Variants in NUMA1 observed in about 807,000 individuals in gnomAD.
NUMA1 encodes the protein SP-H antigen.
NUMA1 carries 62 observed loss-of-function variants against 237.1 expected under a neutral mutation model. The observed-to-expected ratio is 0.26, with a 90% CI of 0.21 to 0.32. NUMA1 has a LOEUF of 0.32. NUMA1 is among the 10% of genes least tolerant of loss of function. The probability of loss-of-function intolerance (pLI) is 1.00; values close to 1 mark genes in which losing one functional copy is unlikely to be tolerated. For synonymous variants in NUMA1, 1,028 were observed against 1,066.1 expected, an observed-to-expected ratio of 0.96 and a Z score of 0.70; for missense variants, 2,533 against 2,666.5, an observed-to-expected ratio of 0.95 and a Z score of 1.10.
chr11:72,051,085 C>T (rs551121014), intron 2 of NUMA1, among the ~76,000 whole-genome samples: 3 of 152,122 alleles, frequency 2.0e-5, no homozygotes, highest in South Asian at 2.1e-4. Flanking sequence ...GATGAAGTCT[C>T]GCTATGTTGC....
intron 17 of NUMA1, among the ~76,000 whole-genome samples, chr11:72,009,994 T>A (rs1338042968): frequency 2.0e-5 from 3 of 152,240 alleles, no homozygotes; most frequent in Non-Finnish European, 4.4e-5. Context: ...CCTGATTCTC[T>A]GTCCATCTGC....
intron 5 of NUMA1, 113 bp from the exon 6 acceptor site, chr11:72,023,260 T>C (rs1172966796): frequency 5.2e-6 from 4 of 770,052 alleles, no homozygotes; most frequent in Non-Finnish European, 9.0e-6. Context: ...GGCTATGAGA[T>C]GTAGGCCTCC....
chr11:72,038,016 G>A (rs905449157), intron 2 of NUMA1, among the ~76,000 whole-genome samples: 1 of 152,002 alleles, frequency 6.6e-6, no homozygotes, highest in Non-Finnish European at 1.5e-5. Context: ...GTGGTGGGGC[G>A]GCAACAGCCA....
chr11:72,046,062 G>C (rs971682941), intron 2 of NUMA1, among the ~76,000 whole-genome samples: 3 of 152,194 alleles, frequency 2.0e-5, no homozygotes, highest in Admixed American at 2.0e-4. Flanking sequence ...TTCTGGGCCA[G>C]CTCTTCAGGA....
rs748357225 is a variant in NUMA1 at position 72,014,631 on chromosome 11, G to A, written c.2872C>T (p.Arg958Cys). The A allele has an allele frequency of 8.1e-6, 13 of 1,610,440 alleles. No individual in the cohort carries two copies. Among genetic ancestry groups the A allele is most frequent in the South Asian group, 4.4e-5 (4 of 91,086 alleles). Residue 958 changes from arginine (R) to cysteine (C), a missense_variant, in exon 15 of 27, where the codon CGC becomes TGC. Physicochemically the swap from Arg to Cys is radical, Grantham distance 180. This residue lies in a region of NUMA1 where 1,414 missense variants were observed against 1,508.1 expected (regional missense o/e 0.94). Coordinates refer to ENST00000393695, the MANE Select transcript of NUMA1 (RefSeq NM_006185.4). The surrounding 1 kb of genome is among the most constrained non-coding windows in gnomAD (Gnocchi z 4.6). ...QPEWLEEQQG[R>C]QFCSTQAALQ... The stretch of plus-strand genomic sequence containing the variant: ...GCTGCCTGTGTGCTGCAGAACTGGC[G>A]TCCCTGTTGCTCTTCCAGCCACTCG...
chr11:72,018,559 C>T (rs1173192753), intron 10 of NUMA1, 46 bp from the exon 11 acceptor site: 1 of 1,519,334 alleles, frequency 6.6e-7, no homozygotes, highest in South Asian at 1.1e-5. Flanking sequence ...GAACTATGTG[C>T]ATGAGCGGAA....
chr11:72,004,525 A>G, intron 24 of NUMA1, 115 bp downstream of exon 24: 1 of 1,261,450 alleles, frequency 7.9e-7, no homozygotes. Context: ...CCTTGGAGAG[A>G]GGGAAAGAGA....
intron 8 of NUMA1, 31 bp from the exon 9 acceptor site, chr11:72,019,648 A>G (rs1938452219): frequency 6.2e-7 from 1 of 1,605,138 alleles, no homozygotes; most frequent in Non-Finnish European, 8.5e-7. Context: ...AAATAAATCA[A>G]CAAAGGTTAG....
At chr11:72,067,093 G>A (rs1029769958) in intron 2 of NUMA1, 2 of 152,242 alleles carry the variant, frequency 1.3e-5, no homozygotes, top group Non-Finnish European at 2.9e-5. Flanking sequence ...GAAATAGGGA[G>A]ATTAAGAGGT....
chr11:72,005,081 G>T, intron 23 of NUMA1, 152 bp downstream of exon 23: 2 of 951,022 alleles, frequency 2.1e-6, no homozygotes, highest in Non-Finnish European at 3.0e-6. Flanking sequence ...TGCCCTCCCA[G>T]CTGTCTGTTC....
At position 72,015,576 on chromosome 11, in the gene NUMA1, G is replaced by A. The variant is rs149446307; in HGVS notation, c.1927C>T (p.Arg643Trp). 640 of 1,613,422 alleles carry A rather than the reference G, an allele frequency of 4.0e-4. No individual in the cohort carries two copies. The highest frequency in any genetic ancestry group is 4.5e-4 in the Non-Finnish European group (533 of 1,180,018). ...TTCCGGCTCAGCTCTGCCTTCTCCCGCTGGGCCTGTGTCACTGAGGTCTGG... is the reference window on the plus strand; with the variant it reads ...TTCCGGCTCAGCTCTGCCTTCTCCCACTGGGCCTGTGTCACTGAGGTCTGG... Reference protein sequence around the residue: ...SAQTSVTQAQREKAELSRKVE... With the variant: ...SAQTSVTQAQWEKAELSRKVE... The change falls in exon 15 of 27, where the codon CGG becomes TGG. Residue 643 changes from arginine (R) to tryptophan (W), a missense_variant. Around this residue, in one of 3 missense-constraint regions of NUMA1, gnomAD observed 1,414 missense variants for 1,508.1 expected, o/e 0.94. Transcript: ENST00000393695. The surrounding 1 kb of genome is among the most constrained non-coding windows in gnomAD (Gnocchi z 4.0).
At chr11:72,004,917 C>G (rs535763868) in intron 23 of NUMA1, 101 bp from the exon 24 acceptor site, 3 of 1,194,598 alleles carry the variant, frequency 2.5e-6, no homozygotes, top group Non-Finnish European at 1.1e-6. Flanking sequence ...CACTTATGGT[C>G]GGGACCCTTC....
In NUMA1 at chr11:72,023,165, T is replaced by C. The variant is rs2298457; in HGVS notation, c.209-18A>G. On this transcript the variant is annotated intron_variant, in intron 5 of 26. Coordinates refer to ENST00000393695, the MANE Select transcript of NUMA1 (RefSeq NM_006185.4). ...TCGATTTTCTGCAATGACAACAACGTAGAAAACAGGGTGAACTTCCTGGAA... is the reference window on the plus strand; with the variant it reads ...TCGATTTTCTGCAATGACAACAACGCAGAAAACAGGGTGAACTTCCTGGAA... The C allele has an allele frequency of 0.93, 1,472,231 of 1,591,008 alleles. 683,144 individuals carry two copies. Among genetic ancestry groups the C allele is most frequent in the Non-Finnish European group, 0.95 (1,101,058 of 1,160,480 alleles).
At chr11:72,080,376 G>T (rs1212002734) in intron 1 of NUMA1, 82 bp downstream of exon 1, 2 of 148,026 alleles carry the variant, frequency 1.4e-5, no homozygotes, top group South Asian at 2.2e-4. Context: ...CGCTCGCAGC[G>T]GCCTCTCCAG....
At chr11:72,012,358 A>G (rs1338468204) in intron 16 of NUMA1, 43 bp downstream of exon 16, 2 of 1,600,396 alleles carry the variant, frequency 1.2e-6, no homozygotes, top group African/African-American at 1.3e-5. Flanking sequence ...AAGACTGGTC[A>G]CCGTTTAAGC....
chr11:72,074,995 T>C (rs182211222), intron 1 of NUMA1, among the ~76,000 whole-genome samples: 177 of 151,382 alleles, frequency 1.2e-3, no homozygotes, highest in Admixed American at 2.0e-3. Context: ...GACTGTGCAA[T>C]TGCACTCCAG....
intron 20 of NUMA1, chr11:72,008,282 C>CTT: frequency 3.0e-5 from 11 of 366,562 alleles, no homozygotes; most frequent in East Asian, 1.9e-4. Flanking sequence ...TCCAAGGTTC[C>CTT]TTTTTTTTTC....
chr11:72,057,944 G>A (rs1415220079), intron 2 of NUMA1, among the ~76,000 whole-genome samples: 5 of 150,884 alleles, frequency 3.3e-5, no homozygotes, highest in African/African-American at 4.9e-5. Flanking sequence ...GGTAGCAGGC[G>A]CCTGTAATCC....
intron 2 of NUMA1, chr11:72,041,181 C>T (rs1306192133): frequency 1.3e-5 from 2 of 152,076 alleles, no homozygotes; most frequent in African/African-American, 2.4e-5. Flanking sequence ...CAGCAAGCTT[C>T]CCCGATCTGG....
Sources: allele counts gnomAD v4.1 joint callset (sites outside exome capture counted in the v4.1 genomes callset), GRCh38; gene constraint gnomAD v4.1.1; regional missense constraint gnomAD v4.1.1; non-coding constraint Gnocchi (gnomAD v3.1); transcripts MANE v1.5; gene names NCBI Gene and HGNC (gene_info 2026-07-23, HGNC 2026-07-21).